The following BCAR3 variants were observed in gnomAD, a reference collection of about 807,000 sequenced individuals.
BCAR3 encodes the protein BCAR3 adaptor protein, NSP family member, also known as breast cancer anti-estrogen resistance protein 3.
Under a neutral mutation model 80.1 loss-of-function variants are expected in BCAR3, and 37 were observed. That is an observed-to-expected ratio of 0.46 (90% confidence interval 0.36 to 0.61). The LOEUF (loss-of-function observed/expected upper bound fraction) is 0.61. BCAR3 is among the 20% of genes least tolerant of loss of function. BCAR3 has a pLI of 0.00. For synonymous variants in BCAR3, 389 were observed against 418.9 expected (o/e 0.93, Z 0.87); for missense variants, 978 against 1,068.2 (o/e 0.92, Z 1.18).
intron 3 of BCAR3, among the ~76,000 whole-genome samples, chr1:93,600,016 G>A (rs962978219): frequency 5.3e-5 from 8 of 152,150 alleles, no homozygotes; most frequent in African/African-American, 1.9e-4. Flanking sequence ...CACCAACCTT[G>A]TCATATTGCC....
chr1:93,837,297 T>A (rs957967979), intron 2 of BCAR3, among the ~76,000 whole-genome samples: 9 of 152,246 alleles, frequency 5.9e-5, no homozygotes, highest in Non-Finnish European at 1.3e-4. Flanking sequence ...GAGAATGGAC[T>A]AATACAGCTA....
chr1:93,635,667 C>G (rs556993593), intron 3 of BCAR3, among the ~76,000 whole-genome samples: 1 of 152,196 alleles, frequency 6.6e-6, no homozygotes, highest in Non-Finnish European at 1.5e-5. Context: ...TCACTGCTGG[C>G]GGTGTTTGAT....
intron 3 of BCAR3, among the ~76,000 whole-genome samples, chr1:93,604,762 G>T (rs1371110241): frequency 1.3e-5 from 2 of 152,174 alleles, no homozygotes; most frequent in African/African-American, 2.4e-5. Flanking sequence ...CACTGATTTT[G>T]TTCTGAAAAC....
intron 2 of BCAR3, among the ~76,000 whole-genome samples, chr1:93,840,742 A>G (rs1164424886): frequency 2.6e-5 from 4 of 152,184 alleles, no homozygotes; most frequent in Non-Finnish European, 5.9e-5. Context: ...ATATTCTGCC[A>G]AGCCTTGGGG....
intron 2 of BCAR3, among the ~76,000 whole-genome samples, chr1:93,740,577 T>G (rs1651142075): frequency 6.6e-6 from 1 of 152,260 alleles, no homozygotes; most frequent in South Asian, 2.1e-4. Flanking sequence ...TCACTCAACA[T>G]TCTTTCCTTC....
chr1:93,648,059 C>T (rs1005220495), intron 2 of BCAR3, among the ~76,000 whole-genome samples: 8 of 152,162 alleles, frequency 5.3e-5, no homozygotes, highest in African/African-American at 1.9e-4. Flanking sequence ...CAGATGTGAG[C>T]CACCGCGCCT....
intron 2 of BCAR3, among the ~76,000 whole-genome samples, chr1:93,777,437 C>G (rs1267394080): frequency 4.0e-5 from 6 of 149,576 alleles, no homozygotes; most frequent in African/African-American, 1.5e-4. Context: ...TCCTCCTCCT[C>G]CTCTTCCTCC....
chr1:93,683,354 A>G (rs1648867609), upstream of BCAR3, among the ~76,000 whole-genome samples: 1 of 152,248 alleles, frequency 6.6e-6, no homozygotes, highest in African/African-American at 2.4e-5. Context: ...ACTGCTCGTC[A>G]AAATGAACTT....
At chr1:93,828,607 C>T (rs993299236) in intron 2 of BCAR3, among the ~76,000 whole-genome samples, 1 of 152,190 alleles carries the variant, frequency 6.6e-6, no homozygotes, top group Non-Finnish European at 1.5e-5. Context: ...CATTTCTACA[C>T]AGCTGTTCAT....
intron 2 of BCAR3, among the ~76,000 whole-genome samples, chr1:93,829,637 C>A (rs2100831502): frequency 6.6e-6 from 1 of 152,000 alleles, no homozygotes; most frequent in South Asian, 2.1e-4. Context: ...AGGCACGAGC[C>A]ACCACGCCTG....
At chr1:93,786,416 G>A (rs1355455135) in intron 2 of BCAR3, among the ~76,000 whole-genome samples, 1 of 152,106 alleles carries the variant, frequency 6.6e-6, no homozygotes, top group Non-Finnish European at 1.5e-5. Context: ...AAACTATCTC[G>A]AAAGTGGGTC....
intron 2 of BCAR3, among the ~76,000 whole-genome samples, chr1:93,740,139 TG>T (rs1283007446): frequency 2.6e-5 from 4 of 152,104 alleles, no homozygotes; most frequent in African/African-American, 9.7e-5. Flanking sequence ...CATTTTCATC[TG>T]GGGAGAAAAG....
chr1:93,595,960 T>C (rs1674404417), intron 3 of BCAR3, among the ~76,000 whole-genome samples: 1 of 152,232 alleles, frequency 6.6e-6, no homozygotes, highest in Non-Finnish European at 1.5e-5. Context: ...TTGGATTTTT[T>C]CCCTGGAATG....
chr1:93,804,920 T>C (rs1205297332), intron 2 of BCAR3, among the ~76,000 whole-genome samples: 5 of 152,348 alleles, frequency 3.3e-5, no homozygotes, highest in African/African-American at 1.2e-4. Context: ...GGGTAAATAC[T>C]TATGAGTGGA....
In BCAR3 at chr1:93,666,546, C is replaced by T. The variant is rs530090803; in HGVS notation, c.317+8068G>A. On this transcript the variant is annotated intron_variant, in intron 2 of 11. Transcript: ENST00000260502. Reference sequence around the variant, plus strand: ...GAATGCCCCCTAAACTGAGAACTCCCTAAGGACAGGGGATACATCTATTTC... The same window carrying T: ...GAATGCCCCCTAAACTGAGAACTCCTTAAGGACAGGGGATACATCTATTTC... 8.5e-5 allele frequency among the ~76,000 whole-genome samples: 13 copies of T among 152,300 alleles called. No homozygotes were observed. In the East Asian group the frequency reaches 9.7e-4, roughly 11 times the overall value.
intron 2 of BCAR3, among the ~76,000 whole-genome samples, chr1:93,645,278 A>G (rs535624653): frequency 7.8e-4 from 114 of 146,002 alleles, no homozygotes; most frequent in Middle Eastern, 3.5e-3. Flanking sequence ...TTCAAGGGGG[A>G]AAAAAAAAAA....
At chr1:93,796,105 TTTTG>T (rs1277885210) in intron 2 of BCAR3, among the ~76,000 whole-genome samples, 1 of 73,320 alleles carries the variant, frequency 1.4e-5, no homozygotes, top group Admixed American at 1.4e-4. Flanking sequence ...ACTGCTGTCT[TTTTG>T]TTTGTCTGTG....
At chr1:93,741,445 A>G (rs1651173262) in intron 2 of BCAR3, among the ~76,000 whole-genome samples, 1 of 152,230 alleles carries the variant, frequency 6.6e-6, no homozygotes, top group African/African-American at 2.4e-5. Context: ...TAAAACAAAG[A>G]TGATGAAAGT....
At chr1:93,728,029 G>A (rs1400985136) in intron 2 of BCAR3, among the ~76,000 whole-genome samples, 1 of 152,224 alleles carries the variant, frequency 6.6e-6, no homozygotes, top group East Asian at 1.9e-4. Flanking sequence ...AACGCCTGGA[G>A]CCACCAGAAG....
Sources: gnomAD v4.1 joint callset for allele counts (sites outside exome capture counted in the v4.1 genomes callset) on GRCh38, gnomAD v4.1.1 for gene constraint, MANE v1.5 for transcripts, NCBI Gene and HGNC (gene_info 2026-07-23, HGNC 2026-07-21) for gene names.